The following MKRN1 variants were observed in gnomAD, a reference collection of about 807,000 sequenced individuals.
MKRN1 encodes E3 ubiquitin-protein ligase makorin-1.
Under a neutral mutation model 55.5 loss-of-function variants are expected in MKRN1, and 9 were observed. The observed-to-expected ratio is 0.16, with a 90% CI of 0.10 to 0.28. The LOEUF (loss-of-function observed/expected upper bound fraction) is 0.28, where lower values mean the gene tolerates loss of function less well. Ranked by LOEUF, MKRN1 falls within the 10% of genes least tolerant of loss-of-function variation. The pLI is 1.00. For missense variants in MKRN1, 488 were observed against 626.7 expected (o/e 0.78, Z 2.36); for synonymous variants, 253 against 235.9 (o/e 1.07, Z -0.66).
chr7:140,459,315 A>T, intron 3 of MKRN1, 82 bp from the exon 4 acceptor site: 1 of 1,393,842 alleles, frequency 7.2e-7, no homozygotes, highest in South Asian at 1.2e-5. Flanking sequence ...ACCGCAAAAA[A>T]TGAAAATAAA....
In MKRN1 at chr7:140,459,486, C is replaced by T. The variant is rs149357584; in HGVS notation, c.544+221G>A. 7.2e-3 allele frequency among the ~76,000 whole-genome samples: 1,089 copies of T among 152,124 alleles called. 14 individuals carry two copies. Among genetic ancestry groups the T allele is most frequent in the African/African-American group, 0.024 (988 of 41,486 alleles). Reference sequence around the variant, plus strand: ...CTGAAATTTAATTTCAAAAAGTACTCGAAAGGATTCAGTTTTTCAAAACAT... The same window carrying T: ...CTGAAATTTAATTTCAAAAAGTACTTGAAAGGATTCAGTTTTTCAAAACAT... On this transcript the variant is annotated intron_variant, in intron 3 of 7. Coordinates refer to ENST00000255977, the MANE Select transcript of MKRN1 (RefSeq NM_013446.4).
chr7:140,455,129 T>C lies in MKRN1; in HGVS notation c.1202A>G (p.Gln401Arg). Reference protein sequence around the residue: ...AYPDGRREEPQRQKVGTSSRY... With the variant: ...AYPDGRREEPRRQKVGTSSRY... ...GCTTGATGTTCCCACTTTCTGTCTC[T>C]GTGGCTCCTCTCTACGGCCATCAGG... Residue 401 changes from glutamine to arginine, a missense_variant, in exon 7 of 8, where the codon CAG (glutamine) becomes CGG (arginine). Coordinates refer to ENST00000255977, the MANE Select transcript of MKRN1 (RefSeq NM_013446.4). The C allele has an allele frequency of 6.2e-7, 1 of 1,614,058 alleles. No homozygotes were observed. Among genetic ancestry groups the C allele is most frequent in the Non-Finnish European group, 8.5e-7 (1 of 1,180,010 alleles).
chr7:140,474,341 CA>C (rs148752843), intron 1 of MKRN1: 42 of 219,730 alleles, frequency 1.9e-4, no homozygotes, highest in South Asian at 4.8e-4. Flanking sequence ...ACTAAAAATA[CA>C]AAAAAAACAA....
At chr7:140,456,107 C>A (rs1794458676) in intron 5 of MKRN1, 6 of 977,042 alleles carry the variant, frequency 6.1e-6, no homozygotes, top group African/African-American at 1.7e-5. Context: ...CAAGGGCTAG[C>A]CAGTTCTTTT....
intron 2 of MKRN1, 127 bp from the exon 3 acceptor site, chr7:140,460,063 A>G (rs1202415851): frequency 2.5e-6 from 2 of 810,844 alleles, no homozygotes; most frequent in African/African-American, 3.5e-5. Flanking sequence ...AGCCTGGCCA[A>G]TGTGGTGAAA....
rs901514411 is a variant in MKRN1 at position 140,454,594 on chromosome 7, C to T, written c.1372G>A (p.Asp458Asn). 2.5e-6 allele frequency: 4 copies of T among 1,613,870 alleles called. No individual in the cohort carries two copies. Among genetic ancestry groups the T allele is most frequent in the East Asian group, 2.2e-5 (1 of 44,884 alleles). Residue 458 changes from aspartate to asparagine, a missense_variant, in exon 8 of 8, where the codon GAC becomes AAC. Around this residue, in one of 2 missense-constraint regions of MKRN1, gnomAD observed 278 missense variants for 406.7 expected, o/e 0.68. Transcript: ENST00000255977. Reference protein sequence around the residue: ...LLMLLAAGGDDELTDSEDEWD... With the variant: ...LLMLLAAGGDNELTDSEDEWD... ...TCATCTTCAGAGTCTGTTAGTTCGT[C>T]GTCCCCACCTGCAGCCAAAAGCATA...
chr7:140,467,310 C>T (rs546265425), intron 2 of MKRN1, among the ~76,000 whole-genome samples: 3 of 152,134 alleles, frequency 2.0e-5, no homozygotes, highest in African/African-American at 4.8e-5. Context: ...CGAAGTCTCA[C>T]TCTTTGCCCA....
rs765950692 is a variant in MKRN1, at chr7:140,459,764, A to AACCTGCTCCTACAGTTGC, written c.469_486dup (p.Ala157_Gly162dup). 14 of 1,613,796 alleles carry AACCTGCTCCTACAGTTGC rather than the reference A, an allele frequency of 8.7e-6. No homozygotes were observed. Among genetic ancestry groups the AACCTGCTCCTACAGTTGC allele is most frequent in the Non-Finnish European group, 1.2e-5 (14 of 1,179,846 alleles). ...TCAATAGCATTCACCCAGTCCTCTG[A>AACCTGCTCCTACAGTTGC]ACCTGCTCCTACAGTTGCAAAGTTT... On this transcript the variant is annotated inframe_insertion, in exon 3 of 8. Coordinates refer to ENST00000255977, the MANE Select transcript of MKRN1 (RefSeq NM_013446.4).
rs546175431 is a variant in MKRN1, at chr7:140,474,688, CAGAT to C, written c.186-2681_186-2678del. ...ATTTCACTATGGACGTCACAGCACT[CAGAT>C]AAAGAATTTCTGAAGGATTTCCTTC... On this transcript the variant is annotated intron_variant, in intron 1 of 7. Transcript: ENST00000255977. 2.0e-5 allele frequency among the ~76,000 whole-genome samples: 3 copies of C among 151,750 alleles called. No individual in the cohort carries two copies. The South Asian group carries it at 6.3e-4, about 32-fold the overall frequency.
intron 5 of MKRN1, chr7:140,456,113 CT>C (rs57991505): frequency 0.12 from 102,189 of 819,588 alleles, no homozygotes; most frequent in East Asian, 0.17. Context: ...CTAGCCAGTT[CT>C]TTTTTTTTTT....
In MKRN1 at chr7:140,470,220, G is replaced by GA. The variant is rs1277671425; in HGVS notation, c.314+1662dup. Among the ~76,000 whole-genome samples the GA allele has an allele frequency of 2.0e-3, 256 of 129,132 alleles. 2 individuals are homozygous for GA. Among genetic ancestry groups the GA allele is most frequent in the African/African-American group, 2.5e-3 (88 of 35,070 alleles). The allele number at this position is 129,132 out of a possible 152,430, so 84.7% of individuals were successfully genotyped here. A position where few individuals can be genotyped will look rare whatever the true frequency, so the allele number is the denominator to read the frequency against. On this transcript the variant is annotated intron_variant, in intron 2 of 7. Coordinates refer to ENST00000255977, the MANE Select transcript of MKRN1 (RefSeq NM_013446.4). ...TGGGTGACCAGCAAAACTCCGTCTTGAAAAAAAAAAAAGGCCAAGTGGTGA... is the reference window on the plus strand; with the variant it reads ...TGGGTGACCAGCAAAACTCCGTCTTGAAAAAAAAAAAAAGGCCAAGTGGTGA...
At chr7:140,465,285 G>A (rs139063128) in intron 2 of MKRN1, among the ~76,000 whole-genome samples, 2,399 of 151,918 alleles carry the variant, frequency 0.016, 56 homozygotes, top group African/African-American at 0.055. Context: ...GATTACTTGA[G>A]GGCAGGAGTT....
At chr7:140,476,183 T>C (rs189711517) in intron 1 of MKRN1, among the ~76,000 whole-genome samples, 1 of 152,290 alleles carries the variant, frequency 6.6e-6, no homozygotes, top group Admixed American at 6.5e-5. Context: ...ATTCTTTAGG[T>C]GATGTTTACC....
intron 1 of MKRN1, among the ~76,000 whole-genome samples, chr7:140,473,088 C>T (rs745865464): frequency 6.6e-6 from 1 of 151,374 alleles, no homozygotes; most frequent in Non-Finnish European, 1.5e-5. Context: ...AACAGAGAGA[C>T]TCCATCTCAA....
At chr7:140,457,416 G>A (rs1477914806) in intron 4 of MKRN1, among the ~76,000 whole-genome samples, 2 of 152,056 alleles carry the variant, frequency 1.3e-5, no homozygotes, top group Non-Finnish European at 2.9e-5. Flanking sequence ...TTTTTGTGTG[G>A]ACATCATATT....
Position 140,479,339 on chromosome 7 carries a change from C to A in MKRN1, c.6G>T (p.Ala2=). Residue 2 remains alanine (A), a synonymous_variant, in exon 1 of 8, where the codon GCG becomes GCT. Transcript: ENST00000255977. ...CTGTTGTTCCGGGAGTTGCAGCCTC[C>A]GCCATTACTGTTTATCCCACACAGC... M[A]EAATPGTTAT... 1 of 1,303,932 alleles carries A rather than the reference C, an allele frequency of 7.7e-7. No individual in the cohort carries two copies. 80.8% of individuals were successfully genotyped at this position (1,303,932 alleles called of 1,614,324 possible).
chr7:140,474,411 C>CATG (rs1385530050), intron 1 of MKRN1: 1 of 364,648 alleles, frequency 2.7e-6, no homozygotes, highest in African/African-American at 2.2e-5. Context: ...GAGGCTGAGG[C>CATG]AGAATTGCTT....
intron 2 of MKRN1, among the ~76,000 whole-genome samples, chr7:140,469,189 G>T (rs917303134): frequency 6.6e-6 from 1 of 152,010 alleles, no homozygotes; most frequent in Non-Finnish European, 1.5e-5. Context: ...AGCCAGGCGT[G>T]GTGGCGGGCG....
chr7:140,458,204 T>C (rs1478564631), intron 4 of MKRN1, among the ~76,000 whole-genome samples: 1 of 152,144 alleles, frequency 6.6e-6, no homozygotes, highest in Non-Finnish European at 1.5e-5. Context: ...AAAACCTATA[T>C]ACAAATGTTC....
Sources: allele counts gnomAD v4.1 joint callset (sites outside exome capture counted in the v4.1 genomes callset), GRCh38; gene constraint gnomAD v4.1.1; regional missense constraint gnomAD v4.1.1; transcripts MANE v1.5; gene names NCBI Gene and HGNC (gene_info 2026-07-23, HGNC 2026-07-21).